MAP4K3: variants seen among roughly 807,000 people sequenced by gnomAD.
MAP4K3 encodes mitogen-activated protein kinase kinase kinase kinase 3.
MAP4K3 carries 94 observed loss-of-function variants against 143.5 expected under a neutral mutation model. The observed-to-expected ratio is 0.65, with a 90% confidence interval of 0.55 to 0.78. The LOEUF (loss-of-function observed/expected upper bound fraction) is 0.78. MAP4K3 is among the 30% of genes least tolerant of loss of function. MAP4K3 has a pLI of 0.00. For missense variants in MAP4K3, 1,077 were observed against 1,068.1 expected (o/e 1.01, Z -0.12); for synonymous variants, 416 against 347.2 (o/e 1.20, Z -2.20).
chr2:39,345,326 C>T (rs1366507702), intron 3 of MAP4K3, among the ~76,000 whole-genome samples: 3 of 151,678 alleles, frequency 2.0e-5, no homozygotes, highest in African/African-American at 4.8e-5. Context: ...CGGGGCGGGG[C>T]GTATTATTTG....
chr2:39,266,871 C>A (rs1342150053), intron 27 of MAP4K3, among the ~76,000 whole-genome samples: 1 of 149,372 alleles, frequency 6.7e-6, no homozygotes, highest in African/African-American at 2.5e-5. Context: ...TGGTACGTAA[C>A]AGGACCCTTG....
intron 1 of MAP4K3, among the ~76,000 whole-genome samples, chr2:39,386,220 A>G (rs755989442): frequency 2.0e-5 from 3 of 152,236 alleles, no homozygotes; most frequent in Non-Finnish European, 4.4e-5. Flanking sequence ...ATGCACCAAG[A>G]AGGAGGCCAT....
intron 1 of MAP4K3, among the ~76,000 whole-genome samples, chr2:39,430,770 C>T (rs1363440119): frequency 6.6e-6 from 1 of 152,166 alleles, no homozygotes; most frequent in Non-Finnish European, 1.5e-5. Context: ...GCCAAAGATA[C>T]ATTAACCCTA....
intron 26 of MAP4K3, among the ~76,000 whole-genome samples, chr2:39,270,883 G>A (rs940174038): frequency 2.0e-5 from 3 of 152,116 alleles, no homozygotes; most frequent in African/African-American, 7.2e-5. Flanking sequence ...CAATAAGTGA[G>A]AGAATTAAAA....
At chr2:39,428,969 G>A (rs1253368066) in intron 1 of MAP4K3, among the ~76,000 whole-genome samples, 3 of 148,332 alleles carry the variant, frequency 2.0e-5, no homozygotes, top group African/African-American at 4.9e-5. Context: ...TCGGGAGGCT[G>A]AGGCAGAATT....
chr2:39,337,429 A>G, intron 5 of MAP4K3, 97 bp downstream of exon 5: 1 of 810,648 alleles, frequency 1.2e-6, no homozygotes, highest in Non-Finnish European at 2.0e-6. Flanking sequence ...TTACCAAACT[A>G]AAATATTTAG....
At chr2:39,428,328 G>A (rs887599594) in intron 1 of MAP4K3, among the ~76,000 whole-genome samples, 1 of 152,188 alleles carries the variant, frequency 6.6e-6, no homozygotes, top group Admixed American at 6.5e-5. Flanking sequence ...AAAATACACA[G>A]AAACACACAC....
At chr2:39,359,848 T>G (rs1443659654) in intron 2 of MAP4K3, among the ~76,000 whole-genome samples, 2 of 152,320 alleles carry the variant, frequency 1.3e-5, no homozygotes, top group East Asian at 3.9e-4. Flanking sequence ...ACCAAGTCCC[T>G]AGGCTGCACA....
chr2:39,417,045 T>C (rs1222365124), intron 1 of MAP4K3, among the ~76,000 whole-genome samples: 1 of 152,216 alleles, frequency 6.6e-6, no homozygotes, highest in East Asian at 1.9e-4. Flanking sequence ...TAGTAAGTGG[T>C]GTATAATTAT....
intron 29 of MAP4K3, among the ~76,000 whole-genome samples, chr2:39,259,957 G>C (rs1395925634): frequency 1.3e-5 from 2 of 152,120 alleles, no homozygotes; most frequent in Non-Finnish European, 2.9e-5. Flanking sequence ...TCATTTTATA[G>C]TAAGAGGTGT....
At chr2:39,331,621 A>G (rs1261316777) in intron 8 of MAP4K3, among the ~76,000 whole-genome samples, 2 of 152,166 alleles carry the variant, frequency 1.3e-5, no homozygotes, top group African/African-American at 2.4e-5. Context: ...CTGTGAAAAT[A>G]CATGAGAAAT....
In MAP4K3 at chr2:39,263,572, C is replaced by T. The variant is rs183538615; in HGVS notation, c.2136+1631G>A. Reference sequence around the variant, plus strand: ...GGGATTACAAGCGTGAGCCACCGCGCCCGGCCCATATAGAAGTCTTGACGC... The same window carrying T: ...GGGATTACAAGCGTGAGCCACCGCGTCCGGCCCATATAGAAGTCTTGACGC... On this transcript the variant is annotated intron_variant, in intron 28 of 33. Transcript: ENST00000263881. Among the ~76,000 whole-genome samples the T allele has an allele frequency of 4.4e-3, 672 of 152,014 alleles. 3 individuals are homozygous for T. The highest frequency in any genetic ancestry group is 0.018 in the South Asian group (87 of 4,802).
At chr2:39,327,477 C>T (rs1683533243) in intron 8 of MAP4K3, among the ~76,000 whole-genome samples, 3 of 152,120 alleles carry the variant, frequency 2.0e-5, no homozygotes, top group South Asian at 4.2e-4. Context: ...TTATCAAATA[C>T]AAAAATTTTC....
intron 2 of MAP4K3, among the ~76,000 whole-genome samples, chr2:39,376,421 G>A (rs1454332476): frequency 6.6e-6 from 1 of 151,900 alleles, no homozygotes; most frequent in Non-Finnish European, 1.5e-5. Context: ...TTATTACATT[G>A]ATCAATATAC....
chr2:39,331,838 C>G (rs1437146033), intron 8 of MAP4K3, 79 bp downstream of exon 8: 2 of 930,000 alleles, frequency 2.2e-6, no homozygotes, highest in Non-Finnish European at 1.6e-6. Flanking sequence ...CTGAAAAATT[C>G]TGACCAGTCT....
chr2:39,381,713 T>C (rs1334656623), intron 1 of MAP4K3, among the ~76,000 whole-genome samples: 1 of 152,192 alleles, frequency 6.6e-6, no homozygotes, highest in Non-Finnish European at 1.5e-5. Flanking sequence ...AATTGTGAAA[T>C]ACCACATTTT....
rs188419923 is a variant in MAP4K3 at position 39,263,882 on chromosome 2, G to A, written c.2136+1321C>T. ...ATTCCCTCCTGCATGCTCTTGACAT[G>A]GACAATTCCTCTAACAGAGAAAAGC... On this transcript the variant is annotated intron_variant, in intron 28 of 33. Transcript: ENST00000263881. 3.3e-5 allele frequency among the ~76,000 whole-genome samples: 5 copies of A among 152,114 alleles called. No homozygotes were observed. The East Asian group carries it at 5.8e-4, about 18-fold the overall frequency.
At chr2:39,413,660 GT>G (rs1667291204) in intron 1 of MAP4K3, among the ~76,000 whole-genome samples, 1 of 151,962 alleles carries the variant, frequency 6.6e-6, no homozygotes, top group Admixed American at 6.6e-5. Context: ...ATCAGAAAAA[GT>G]TGTAAGAGAA....
At chr2:39,400,852 A>C (rs1271607179) in intron 1 of MAP4K3, among the ~76,000 whole-genome samples, 1 of 152,190 alleles carries the variant, frequency 6.6e-6, no homozygotes, top group Non-Finnish European at 1.5e-5. Flanking sequence ...ATACCCTTTC[A>C]CCTAAAAGAA....
Sources: gnomAD v4.1 joint callset for allele counts (sites outside exome capture counted in the v4.1 genomes callset) on GRCh38, gnomAD v4.1.1 for gene constraint, MANE v1.5 for transcripts, NCBI Gene and HGNC (gene_info 2026-07-23, HGNC 2026-07-21) for gene names.